The following CCDC102B variants were observed in gnomAD, a reference collection of about 807,000 sequenced individuals.
CCDC102B encodes the protein coiled-coil domain-containing protein 102B.
CCDC102B carries 75 observed loss-of-function variants against 57.4 expected under a neutral mutation model. The observed-to-expected ratio is 1.31, with a 90% CI of 1.08 to 1.58. CCDC102B has a LOEUF of 1.58. Among genes scored for constraint, CCDC102B ranks in the 40% most tolerant of loss-of-function variants. CCDC102B has a pLI of 0.00. For synonymous variants in CCDC102B, 206 were observed against 201.9 expected, an observed-to-expected ratio of 1.02 and a Z score of -0.17; for missense variants, 636 against 582.6, an observed-to-expected ratio of 1.09 and a Z score of -0.94.
intron 6 of CCDC102B, among the ~76,000 whole-genome samples, chr18:68,939,512 T>C (rs896674060): frequency 2.8e-4 from 42 of 151,898 alleles, no homozygotes; most frequent in Middle Eastern, 3.4e-3. Flanking sequence ...TTTATAAATA[T>C]TATATTTAAA....
intron 4 of CCDC102B, among the ~76,000 whole-genome samples, chr18:68,874,196 GTGTGTGTGTGTGTGTGTA>G (rs1489400660): frequency 5.4e-4 from 72 of 132,596 alleles, no homozygotes; most frequent in African/African-American, 1.8e-3. Context: ...GTGTGTGTGT[GTGTGTGTGTGTGTGTGTA>G]TATATATATA....
intron 2 of CCDC102B, among the ~76,000 whole-genome samples, chr18:68,745,348 A>G (rs1311066822): frequency 6.6e-6 from 1 of 152,090 alleles, no homozygotes; most frequent in East Asian, 1.9e-4. Flanking sequence ...CTGTAAGTCA[A>G]CTAGGAAGCG....
chr18:68,826,373 C>T (rs1445380642), intron 1 of CCDC102B, among the ~76,000 whole-genome samples: 5 of 152,138 alleles, frequency 3.3e-5, no homozygotes, highest in Non-Finnish European at 5.9e-5. Context: ...ATTTCCTTGC[C>T]ACGTGGGCCT....
At chr18:68,882,656 T>C (rs1405867226) in intron 5 of CCDC102B, among the ~76,000 whole-genome samples, 5 of 152,230 alleles carry the variant, frequency 3.3e-5, no homozygotes, top group Admixed American at 3.3e-4. Context: ...ACCTAGTATA[T>C]AGAATTACTT....
In CCDC102B at chr18:69,029,017, A is replaced by C. The variant is rs2052066643; in HGVS notation, c.1434+17913A>C. On this transcript the variant is annotated intron_variant, in intron 7 of 7. Transcript: ENST00000360242. ...GGGGAAAATTGGAACTCCAAGTTTTATGCGTGATGTTTATCTCACTATATA... is the reference window on the plus strand; with the variant it reads ...GGGGAAAATTGGAACTCCAAGTTTTCTGCGTGATGTTTATCTCACTATATA... 2.0e-5 allele frequency among the ~76,000 whole-genome samples: 3 copies of C among 152,136 alleles called. No individual in the cohort carries two copies. The South Asian group carries it at 6.2e-4, about 31-fold the overall frequency.
At chr18:68,764,292 A>C (rs770036844) in intron 2 of CCDC102B, among the ~76,000 whole-genome samples, 9 of 152,206 alleles carry the variant, frequency 5.9e-5, no homozygotes, top group Non-Finnish European at 1.2e-4. Flanking sequence ...ACTCCATAGA[A>C]GAGCATTGCA....
chr18:68,730,006 T>C (rs1470301639), intron 2 of CCDC102B, among the ~76,000 whole-genome samples: 1 of 152,200 alleles, frequency 6.6e-6, no homozygotes, highest in African/African-American at 2.4e-5. Flanking sequence ...TTCATTAAAA[T>C]GTAATAAATT....
chr18:68,765,772 C>T (rs1283224154), intron 2 of CCDC102B, among the ~76,000 whole-genome samples: 1 of 152,122 alleles, frequency 6.6e-6, no homozygotes, highest in African/African-American at 2.4e-5. Context: ...AATATTCTAT[C>T]AACCATATTT....
intron 4 of CCDC102B, among the ~76,000 whole-genome samples, chr18:68,864,038 G>A (rs965911130): frequency 2.0e-5 from 3 of 151,882 alleles, no homozygotes; most frequent in Admixed American, 2.0e-4. Context: ...TATGTGCATT[G>A]CTACTGAGAT....
rs1022911414 is a variant in CCDC102B, at chr18:69,054,933, G to C, written c.*796G>C. ...GAGAAAATTAGGAAATTGTGGTTAT[G>C]TGAATATTTCTTTAAAACTTTTATG... is the stretch of plus-strand genomic sequence containing the variant. On this transcript the variant is annotated 3_prime_UTR_variant, in exon 8 of 8. Coordinates refer to ENST00000360242, the MANE Select transcript of CCDC102B (RefSeq NM_024781.3). The C allele has an allele frequency of 3.0e-6, 3 of 985,040 alleles. No individual in the cohort carries two copies. The highest frequency in any genetic ancestry group is 2.4e-6 in the Non-Finnish European group (2 of 829,800). The allele number at this position is 985,040 out of a possible 1,614,324, so 61.0% of individuals were successfully genotyped here. A position where few individuals can be genotyped will look rare whatever the true frequency, so the allele number is the denominator to read the frequency against.
At chr18:68,731,524 T>A (rs1223349769) in intron 2 of CCDC102B, among the ~76,000 whole-genome samples, 1 of 152,088 alleles carries the variant, frequency 6.6e-6, no homozygotes, top group Non-Finnish European at 1.5e-5. Flanking sequence ...AACTATAATC[T>A]GGACTCTACA....
chr18:68,742,503 T>A (rs561397978), intron 2 of CCDC102B, among the ~76,000 whole-genome samples: 26 of 152,346 alleles, frequency 1.7e-4, no homozygotes, highest in African/African-American at 6.3e-4. Context: ...TATTAAATGT[T>A]ACATGCCAGT....
chr18:68,985,420 G>A (rs56223956), intron 6 of CCDC102B, among the ~76,000 whole-genome samples: 13,247 of 152,066 alleles, frequency 0.087, 1,069 homozygotes, highest in East Asian at 0.2. Flanking sequence ...GTGTCCATCT[G>A]GTAAATAGAA....
chr18:68,785,009 G>C (rs2035147892), intron 2 of CCDC102B, among the ~76,000 whole-genome samples: 1 of 125,520 alleles, frequency 8.0e-6, no homozygotes, highest in Non-Finnish European at 1.6e-5. Flanking sequence ...CCCAGAGTGT[G>C]ATATTCCCCT....
intron 1 of CCDC102B, among the ~76,000 whole-genome samples, chr18:68,819,815 C>G (rs1209090564): frequency 6.6e-6 from 1 of 151,782 alleles, no homozygotes; most frequent in Non-Finnish European, 1.5e-5. Context: ...CCCTAGCTAC[C>G]TAATGCATAT....
chr18:68,765,362 AAAG>A (rs1568238968), intron 2 of CCDC102B, among the ~76,000 whole-genome samples: 2 of 143,060 alleles, frequency 1.4e-5, no homozygotes, highest in African/African-American at 2.6e-5. Context: ...AGAAAGAAAG[AAAG>A]AAAGAAAGAA....
At chr18:68,717,171 G>A (rs2032070472) in intron 2 of CCDC102B, among the ~76,000 whole-genome samples, 1 of 152,268 alleles carries the variant, frequency 6.6e-6, no homozygotes, top group Admixed American at 6.5e-5. Context: ...TTGGGCCAGG[G>A]AAGTTGAGGT....
At chr18:68,951,442 C>T (rs2049694934) in intron 6 of CCDC102B, among the ~76,000 whole-genome samples, 1 of 152,092 alleles carries the variant, frequency 6.6e-6, no homozygotes, top group Non-Finnish European at 1.5e-5. Flanking sequence ...TTGTATTCCT[C>T]TTTATTCACC....
At chr18:68,769,443 A>G (rs2034568752) in intron 2 of CCDC102B, among the ~76,000 whole-genome samples, 1 of 152,030 alleles carries the variant, frequency 6.6e-6, no homozygotes, top group Non-Finnish European at 1.5e-5. Context: ...GGTTCAACAT[A>G]TGAGTTTAAA....
Sources: allele counts gnomAD v4.1 joint callset (sites outside exome capture counted in the v4.1 genomes callset), GRCh38; gene constraint gnomAD v4.1.1; transcripts MANE v1.5; gene names NCBI Gene and HGNC (gene_info 2026-07-23, HGNC 2026-07-21).